Variants in SHISA9 observed in about 807,000 individuals in gnomAD.
The protein encoded by SHISA9 is shisa family member 9, also known as protein shisa-9.
A neutral mutation model predicts 38.0 loss-of-function variants in SHISA9; 13 were observed. The observed-to-expected ratio is 0.34, with a 90% CI of 0.22 to 0.54. The LOEUF is 0.54. Among genes scored for constraint, SHISA9 ranks in the 20% least tolerant of loss-of-function variants. The probability of loss-of-function intolerance (pLI) is 0.91; values close to 1 mark genes in which losing one functional copy is unlikely to be tolerated. For synonymous variants in SHISA9, 275 were observed against 242.0 expected (o/e 1.14, Z -1.27); for missense variants, 538 against 575.8 (o/e 0.93, Z 0.67).
intron 2 of SHISA9, among the ~76,000 whole-genome samples, chr16:13,053,552 C>T (rs1408422607): frequency 1.3e-5 from 2 of 152,194 alleles, no homozygotes; most frequent in Admixed American, 6.5e-5. Flanking sequence ...TTCCCATCCA[C>T]ATGGATTAAA....
the SHISA9 span, among the ~76,000 whole-genome samples, chr16:13,326,723 A>G: frequency 1.3e-5 from 2 of 152,182 alleles, no homozygotes; most frequent in Admixed American, 6.5e-5. Context: ...GCCTTCTCAG[A>G]AAAAGAAAGA....
chr16:13,108,795 A>T (rs2073950478), intron 2 of SHISA9, among the ~76,000 whole-genome samples: 1 of 152,236 alleles, frequency 6.6e-6, no homozygotes, highest in Non-Finnish European at 1.5e-5. Context: ...AAAAGCCCAC[A>T]TCACAACCAA....
chr16:13,049,065 T>A (rs573548841), intron 2 of SHISA9, among the ~76,000 whole-genome samples: 1 of 152,242 alleles, frequency 6.6e-6, no homozygotes, highest in South Asian at 2.1e-4. Context: ...TAAAAAAATT[T>A]GCTTTGTGTT....
At position 13,235,016 on chromosome 16, in the gene SHISA9, G is replaced by A. The variant is rs756140199; in HGVS notation, c.896-14G>A. 126 of 1,521,260 alleles carry A rather than the reference G, an allele frequency of 8.3e-5. 1 individual carries two copies. The highest frequency in any genetic ancestry group is 1.1e-4 in the Non-Finnish European group (120 of 1,128,676). 94.2% of individuals were successfully genotyped at this position (1,521,260 alleles called of 1,614,324 possible). On this transcript the variant is annotated splice_polypyrimidine_tract_variant and intron_variant, in intron 4 of 4. Transcript: ENST00000558583. ...CTTTCTTCCCCTTCTTCATCCACCC[G>A]TTCCGATGTGTAGCTGACAAGGTCA...
chr16:13,330,084 A>G, the SHISA9 span, among the ~76,000 whole-genome samples: 1 of 152,206 alleles, frequency 6.6e-6, no homozygotes, highest in Non-Finnish European at 1.5e-5. Flanking sequence ...AACACATTGT[A>G]AGTTATCAGT....
At chr16:13,194,233 A>G (rs1421957360) in intron 2 of SHISA9, among the ~76,000 whole-genome samples, 1 of 152,228 alleles carries the variant, frequency 6.6e-6, no homozygotes, top group Non-Finnish European at 1.5e-5. Flanking sequence ...AAATTAGAAC[A>G]AAACACCTTC....
At chr16:13,335,043 T>G in the SHISA9 span, among the ~76,000 whole-genome samples, 1 of 152,210 alleles carries the variant, frequency 6.6e-6, no homozygotes, top group East Asian at 1.9e-4. Flanking sequence ...ATTGTTTCCA[T>G]GTGCAAAGCC....
chr16:13,129,263 A>G (rs969072734), intron 2 of SHISA9, among the ~76,000 whole-genome samples: 6 of 152,206 alleles, frequency 3.9e-5, no homozygotes, highest in South Asian at 2.1e-4. Flanking sequence ...TTCTCAATGC[A>G]TGTATATAAT....
intron 2 of SHISA9, among the ~76,000 whole-genome samples, chr16:12,957,523 T>G (rs2071852178): frequency 6.6e-6 from 1 of 152,170 alleles, no homozygotes; most frequent in African/African-American, 2.4e-5. Context: ...ACCAGAACTC[T>G]TATAAGGACA....
At chr16:13,129,260 T>G (rs1021277361) in intron 2 of SHISA9, among the ~76,000 whole-genome samples, 9 of 152,192 alleles carry the variant, frequency 5.9e-5, no homozygotes, top group African/African-American at 2.2e-4. Flanking sequence ...AAATTCTCAA[T>G]GCATGTATAT....
the SHISA9 span, among the ~76,000 whole-genome samples, chr16:13,508,158 G>C: frequency 1.3e-5 from 2 of 151,996 alleles, no homozygotes; most frequent in African/African-American, 4.8e-5. Context: ...CTACCTTTTA[G>C]AGTTACATAA....
the SHISA9 span, among the ~76,000 whole-genome samples, chr16:13,274,809 A>C: frequency 6.6e-6 from 1 of 152,196 alleles, no homozygotes; most frequent in Non-Finnish European, 1.5e-5. Context: ...AGTGAAATCT[A>C]ACGTGTTTCG....
chr16:13,139,706 A>G (rs1259010295), intron 2 of SHISA9, among the ~76,000 whole-genome samples: 1 of 152,148 alleles, frequency 6.6e-6, no homozygotes, highest in Non-Finnish European at 1.5e-5. Flanking sequence ...TTTCCAAACC[A>G]CTGGAATTGA....
chr16:13,167,054 TCTC>T, intron 2 of SHISA9, among the ~76,000 whole-genome samples: 1 of 129,730 alleles, frequency 7.7e-6, no homozygotes, highest in South Asian at 2.4e-4. Flanking sequence ...CTACTTCTTC[TCTC>T]TCTCTCTCTT....
At chr16:12,902,708 G>T (rs949270851) in intron 1 of SHISA9, 81 bp downstream of exon 1, 3 of 1,332,692 alleles carry the variant, frequency 2.3e-6, no homozygotes, top group Non-Finnish European at 3.0e-6. Context: ...AGGCAATGGC[G>T]CTCCCCACGG....
At chr16:13,394,681 C>T in the SHISA9 span, among the ~76,000 whole-genome samples, 1 of 152,208 alleles carries the variant, frequency 6.6e-6, no homozygotes, top group South Asian at 2.1e-4. Context: ...AATGTACTCT[C>T]TTTGTGCCGT....
At chr16:13,280,939 G>A in the SHISA9 span, among the ~76,000 whole-genome samples, 1 of 151,702 alleles carries the variant, frequency 6.6e-6, no homozygotes, top group Non-Finnish European at 1.5e-5. Flanking sequence ...CCAAAGAAAT[G>A]GGAGAATATA....
chr16:13,153,873 C>G (rs556562373), intron 2 of SHISA9, among the ~76,000 whole-genome samples: 1 of 147,614 alleles, frequency 6.8e-6, no homozygotes, highest in Non-Finnish European at 1.5e-5. Context: ...GATATAATTA[C>G]ATTTGTGAAG....
At chr16:13,019,567 A>G (rs1008166321) in intron 2 of SHISA9, among the ~76,000 whole-genome samples, 4 of 151,934 alleles carry the variant, frequency 2.6e-5, no homozygotes, top group African/African-American at 9.7e-5. Context: ...CGTTAGGTAC[A>G]TTTGCAGTGT....
Sources: gnomAD v4.1 joint callset for allele counts (sites outside exome capture counted in the v4.1 genomes callset) on GRCh38, gnomAD v4.1.1 for gene constraint, MANE v1.5 for transcripts, NCBI Gene and HGNC (gene_info 2026-07-23, HGNC 2026-07-21) for gene names.